Variants in SULT2B1 observed in about 807,000 individuals in gnomAD.
SULT2B1 encodes sulfotransferase family 2B member 1.
In SULT2B1, 16 loss-of-function variants were observed where a neutral mutation model predicts 33.2. The ratio of observed to expected loss-of-function variants is 0.48; its 90% CI spans 0.33 to 0.73. SULT2B1 has a LOEUF of 0.73. Among genes scored for constraint, SULT2B1 ranks in the 30% least tolerant of loss-of-function variants. The pLI is 0.02. For synonymous variants in SULT2B1, 186 were observed against 200.5 expected, an observed-to-expected ratio of 0.93 and a Z score of 0.61; for missense variants, 500 against 506.0, an observed-to-expected ratio of 0.99 and a Z score of 0.11.
intron 2 of SULT2B1, among the ~76,000 whole-genome samples, chr19:48,577,254 A>G (rs964653341): frequency 3.5e-5 from 5 of 143,652 alleles, no homozygotes; most frequent in African/African-American, 1.3e-4. Flanking sequence ...ACAGGGTTTC[A>G]CCATCTTGGC....
At chr19:48,555,022 C>G (rs1020535078) in intron 1 of SULT2B1, among the ~76,000 whole-genome samples, 1 of 152,148 alleles carries the variant, frequency 6.6e-6, no homozygotes, top group Admixed American at 6.6e-5. Context: ...GGAGGTGAAG[C>G]GGGCGCTCTG....
intron 1 of SULT2B1, among the ~76,000 whole-genome samples, chr19:48,560,415 G>A (rs554991436): frequency 2.0e-5 from 3 of 151,832 alleles, no homozygotes; most frequent in African/African-American, 7.2e-5. Flanking sequence ...TCATGCCAGA[G>A]AAAGGAATCC....
chr19:48,587,485 T>C lies in SULT2B1; in HGVS notation c.423+48T>C, dbSNP rs112906685. ...AGTTGGGAGGGGCTGCATGGGTGTA[T>C]GGGGTAATGGGGGGACGGAGCATAA... On this transcript the variant is annotated intron_variant, in intron 3 of 6. Transcript: ENST00000201586. 246 of 1,587,944 alleles carry C rather than the reference T, an allele frequency of 1.5e-4. 2 individuals are homozygous for C. The African/African-American group carries it at 2.5e-3, about 16-fold the overall frequency.
chr19:48,570,939 G>A (rs1233870784), intron 1 of SULT2B1, among the ~76,000 whole-genome samples: 1 of 151,782 alleles, frequency 6.6e-6, no homozygotes, highest in African/African-American at 2.4e-5. Flanking sequence ...AGCCAGGATG[G>A]TCTCGATCTC....
At chr19:48,570,368 G>A (rs922089711) in intron 1 of SULT2B1, among the ~76,000 whole-genome samples, 6 of 151,818 alleles carry the variant, frequency 4.0e-5, no homozygotes, top group African/African-American at 1.5e-4. Flanking sequence ...TATTAGAGAC[G>A]GGGTTTCGCC....
rs112884737 is a variant in SULT2B1, at chr19:48,596,867, G to A, written c.774G>A (p.Thr258=). 2.2e-5 allele frequency: 36 copies of A among 1,607,884 alleles called. No homozygotes were observed. The highest frequency in any genetic ancestry group is 3.0e-5 in the Non-Finnish European group (35 of 1,179,628). Residue 258 remains threonine, a synonymous_variant, in exon 6 of 7, where the codon ACG becomes ACA. Transcript: ENST00000201586. ...AGGCCAACACCATGTCCAACTACAC[G>A]CTGCTGCCTCCCAGCCTGCTGGACC... ...AMKANTMSNY[T]LLPPSLLDHR...
intron 2 of SULT2B1, 55 bp downstream of exon 2, chr19:48,576,138 C>A (rs1330263068): frequency 5.5e-6 from 8 of 1,460,082 alleles, no homozygotes; most frequent in African/African-American, 1.4e-5. Flanking sequence ...GGGGGTGCGG[C>A]AGAGGACAGG....
At chr19:48,562,633 T>C (rs175924) in intron 1 of SULT2B1, among the ~76,000 whole-genome samples, 66,782 of 151,978 alleles carry the variant, frequency 0.44, 15,093 homozygotes, top group African/African-American at 0.54. Flanking sequence ...TTATAGATCA[T>C]AGTTTTACTT....
intron 1 of SULT2B1, among the ~76,000 whole-genome samples, chr19:48,564,718 A>C (rs550894321): frequency 6.6e-6 from 1 of 152,040 alleles, no homozygotes; most frequent in East Asian, 1.9e-4. Context: ...GATACACTTA[A>C]ATTTTATTAT....
At chr19:48,558,679 C>CTTTTTTTTTTTTTTTTTTTTTTTTT (rs869189397) in intron 1 of SULT2B1, among the ~76,000 whole-genome samples, 1 of 106,178 alleles carries the variant, frequency 9.4e-6, no homozygotes, top group Non-Finnish European at 1.8e-5. Flanking sequence ...CTTTTCTTTT[C>CTTTTTTTTTTTTTTTTTTTTTTTTT]TTTTTTTTTT....
chr19:48,569,371 T>A (rs1401422535), intron 1 of SULT2B1, among the ~76,000 whole-genome samples: 789 of 14,910 alleles, frequency 0.053, 8 homozygotes, highest in African/African-American at 0.14. Flanking sequence ...AACATATATA[T>A]ATATATATAT....
chr19:48,580,113 T>C (rs377718849), intron 2 of SULT2B1, among the ~76,000 whole-genome samples: 3 of 150,650 alleles, frequency 2.0e-5, no homozygotes, highest in Non-Finnish European at 4.4e-5. Flanking sequence ...TTTTTTTTTT[T>C]CACAGACGAG....
At chr19:48,586,126 G>A (rs895259707) in intron 2 of SULT2B1, among the ~76,000 whole-genome samples, 1 of 152,122 alleles carries the variant, frequency 6.6e-6, no homozygotes, top group Non-Finnish European at 1.5e-5. Context: ...GGAGGCTGAG[G>A]CAGGAGGATC....
chr19:48,552,297 C>T lies in SULT2B1; in HGVS notation c.45C>T (p.Thr15=). 1 of 1,614,058 alleles carries T rather than the reference C, an allele frequency of 6.2e-7. No homozygotes were observed. Among genetic ancestry groups the T allele is most frequent in the African/African-American group, 1.3e-5 (1 of 75,042 alleles). Residue 15 remains threonine (T), a synonymous_variant, in exon 1 of 7, where the codon ACC becomes ACT. Coordinates refer to ENST00000201586, the MANE Select transcript of SULT2B1 (RefSeq NM_177973.2). The surrounding 1 kb of genome is among the most constrained non-coding windows in gnomAD (Gnocchi z 4.8). The part of the protein sequence containing the change: ...AEPQIPGLWD[T]YEDDISEISQ... ...CCCAGATCCCGGGCTTGTGGGACAC[C>T]TATGAAGATGACATCTCGGAAATCA...
chr19:48,599,231 C>G lies in SULT2B1; in HGVS notation c.923C>G (p.Pro308Arg). 6.2e-7 allele frequency: 1 copy of G among 1,609,428 alleles called. No homozygotes were observed. The highest frequency in any genetic ancestry group is 1.7e-5 in the Admixed American group (1 of 59,504). The change falls in exon 7 of 7, where the codon CCC (proline) becomes CGC (arginine). Residue 308 changes from proline to arginine, a missense_variant. Pro to Arg is a moderately radical substitution (Grantham distance 103). Coordinates refer to ENST00000201586, the MANE Select transcript of SULT2B1 (RefSeq NM_177973.2). The surrounding 1 kb of genome is among the most constrained non-coding windows in gnomAD (Gnocchi z 4.1). ...RKQMRGMPTF[P>R]WDEDPEEDGS... is the part of the protein sequence containing the mutation. The stretch of plus-strand genomic sequence containing the variant: ...CAGATGCGGGGGATGCCGACCTTCC[C>G]CTGGGATGAAGACCCGGAGGAGGAC...
intron 1 of SULT2B1, among the ~76,000 whole-genome samples, chr19:48,555,953 T>C (rs1289874717): frequency 1.3e-5 from 2 of 152,190 alleles, no homozygotes; most frequent in Non-Finnish European, 2.9e-5. Context: ...TTGGCCAGGC[T>C]GGTCTTGAAC....
chr19:48,557,546 AG>A (rs368577888), intron 1 of SULT2B1, among the ~76,000 whole-genome samples: 28 of 151,378 alleles, frequency 1.8e-4, no homozygotes, highest in Admixed American at 2.6e-4. Flanking sequence ...TCTCAAAAAA[AG>A]AAAAAAGAAA....
chr19:48,590,778 CTCTAAG>C (rs1434703653), intron 3 of SULT2B1, among the ~76,000 whole-genome samples: 1 of 152,234 alleles, frequency 6.6e-6, no homozygotes, highest in East Asian at 1.9e-4. Context: ...AGCCACGTTT[CTCTAAG>C]TCTGTTTTCA....
At chr19:48,553,847 T>G (rs746793674) in intron 1 of SULT2B1, among the ~76,000 whole-genome samples, 8 of 152,186 alleles carry the variant, frequency 5.3e-5, no homozygotes, top group Admixed American at 3.9e-4. Context: ...CTCAACATTG[T>G]CTAATCCAGG....
Sources: allele counts gnomAD v4.1 joint callset (sites outside exome capture counted in the v4.1 genomes callset), GRCh38; gene constraint gnomAD v4.1.1; non-coding constraint Gnocchi (gnomAD v3.1); transcripts MANE v1.5; gene names NCBI Gene and HGNC (gene_info 2026-07-23, HGNC 2026-07-21).